Variants in CACNA2D3 observed in about 807,000 individuals in gnomAD.
CACNA2D3 encodes the protein calcium voltage-gated channel auxiliary subunit alpha2delta 3, also known as voltage-dependent calcium channel subunit alpha-2/delta-3.
Under a neutral mutation model 160.6 loss-of-function variants are expected in CACNA2D3, and 60 were observed. That is an observed-to-expected ratio of 0.37 (90% CI 0.30 to 0.46). The LOEUF is 0.46. CACNA2D3 is among the 20% of genes least tolerant of loss of function. The pLI is 1.00. For missense variants in CACNA2D3, 1,205 were observed against 1,365.0 expected (o/e 0.88, Z 1.85); for synonymous variants, 558 against 492.9 (o/e 1.13, Z -1.75).
intron 17 of CACNA2D3, among the ~76,000 whole-genome samples, chr3:54,853,264 C>T (rs12152349): frequency 0.19 from 28,556 of 152,020 alleles, 3,584 homozygotes; most frequent in Non-Finnish European, 0.29. Flanking sequence ...TTAACTTCTC[C>T]CCTGTGGTCC....
At chr3:54,948,292 A>G (rs191743679) in intron 27 of CACNA2D3, among the ~76,000 whole-genome samples, 5 of 152,354 alleles carry the variant, frequency 3.3e-5, no homozygotes, top group Admixed American at 6.5e-5. Context: ...CCAGATGAGT[A>G]ATTCTCTCAC....
At chr3:54,487,084 C>T (rs895552263) in intron 4 of CACNA2D3, among the ~76,000 whole-genome samples, 1 of 152,120 alleles carries the variant, frequency 6.6e-6, no homozygotes, top group Admixed American at 6.5e-5. Flanking sequence ...ATTCACATAA[C>T]CTTATACCCA....
intron 2 of CACNA2D3, among the ~76,000 whole-genome samples, chr3:54,254,453 G>A (rs1249203827): frequency 6.6e-6 from 1 of 152,156 alleles, no homozygotes; most frequent in Non-Finnish European, 1.5e-5. Flanking sequence ...GTGCAGTGAG[G>A]TATCCACCAA....
chr3:54,285,199 A>G (rs1462263293), intron 2 of CACNA2D3, among the ~76,000 whole-genome samples: 3 of 152,200 alleles, frequency 2.0e-5, no homozygotes, highest in Non-Finnish European at 4.4e-5. Flanking sequence ...GGGGTGACAG[A>G]CGGCACCTGG....
At chr3:54,304,473 G>A (rs1215529106) in intron 2 of CACNA2D3, among the ~76,000 whole-genome samples, 2 of 152,052 alleles carry the variant, frequency 1.3e-5, no homozygotes, top group Non-Finnish European at 2.9e-5. Context: ...ACCTCACTTT[G>A]ATTGTAAAAA....
At chr3:54,693,030 AACCACC>A (rs797003162) in intron 11 of CACNA2D3, among the ~76,000 whole-genome samples, 1 of 151,598 alleles carries the variant, frequency 6.6e-6, no homozygotes, top group East Asian at 1.9e-4. Flanking sequence ...GTAAAAAAAA[AACCACC>A]ACCACCACCA....
chr3:54,187,091 C>T (rs1479171516), intron 2 of CACNA2D3, among the ~76,000 whole-genome samples: 1 of 152,182 alleles, frequency 6.6e-6, no homozygotes, highest in Non-Finnish European at 1.5e-5. Context: ...CCTGGGAGTG[C>T]TGTAGGACGC....
chr3:54,973,662 G>T (rs1208346625), intron 29 of CACNA2D3, among the ~76,000 whole-genome samples: 2 of 152,150 alleles, frequency 1.3e-5, no homozygotes, highest in East Asian at 1.9e-4. Flanking sequence ...GCCCACCTCA[G>T]CCAGAGGGTA....
chr3:54,716,816 C>T (rs555354359), intron 11 of CACNA2D3, among the ~76,000 whole-genome samples: 34 of 152,116 alleles, frequency 2.2e-4, no homozygotes, highest in Non-Finnish European at 4.0e-4. Flanking sequence ...GTTTATTTGC[C>T]TTTCACATAG....
intron 3 of CACNA2D3, among the ~76,000 whole-genome samples, chr3:54,340,272 C>A (rs1704485852): frequency 6.6e-6 from 1 of 152,126 alleles, no homozygotes; most frequent in Non-Finnish European, 1.5e-5. Flanking sequence ...CACCCATACA[C>A]CCCCCATTCA....
At chr3:54,614,015 G>C (rs188141902) in intron 9 of CACNA2D3, among the ~76,000 whole-genome samples, 7 of 152,230 alleles carry the variant, frequency 4.6e-5, no homozygotes, top group Admixed American at 2.6e-4. Flanking sequence ...CTCTCCACTG[G>C]CCTGTGAACT....
intron 13 of CACNA2D3, among the ~76,000 whole-genome samples, chr3:54,772,575 T>C (rs1336738815): frequency 2.0e-5 from 3 of 152,142 alleles, no homozygotes; most frequent in Non-Finnish European, 4.4e-5. Flanking sequence ...TTCTGTTTCC[T>C]GCTTGGCTGT....
At chr3:54,435,298 G>A (rs1700044026) in intron 4 of CACNA2D3, among the ~76,000 whole-genome samples, 2 of 152,178 alleles carry the variant, frequency 1.3e-5, no homozygotes. Flanking sequence ...AACAAAGATT[G>A]TGTCATCTCT....
At position 54,157,788 on chromosome 3, in the gene CACNA2D3, G is replaced by A. The variant is rs139923472; in HGVS notation, c.204+34194G>A. On this transcript the variant is annotated intron_variant, in intron 2 of 37. Transcript: ENST00000474759. ...CCTGGGCAACAAGAGTGAAAACTCC[G>A]TCTAAAAAAAACAAAAAAGCAAAAA... Among the ~76,000 whole-genome samples, 949 of 142,972 alleles carry A rather than the reference G, an allele frequency of 6.6e-3. 9 individuals carry two copies. The highest frequency in any genetic ancestry group is 0.022 in the African/African-American group (864 of 38,418). The allele number at this position is 142,972 out of a possible 152,430, so 93.8% of individuals were successfully genotyped here.
intron 31 of CACNA2D3, among the ~76,000 whole-genome samples, chr3:55,000,945 T>G (rs947203543): frequency 2.6e-5 from 4 of 152,202 alleles, no homozygotes; most frequent in Admixed American, 6.5e-5. Context: ...GGATTCAGCT[T>G]GGCCCCCTAC....
chr3:55,001,858 C>G (rs1575430117), intron 31 of CACNA2D3, among the ~76,000 whole-genome samples: 1 of 152,266 alleles, frequency 6.6e-6, no homozygotes, highest in East Asian at 1.9e-4. Flanking sequence ...CAGCAAGCTG[C>G]TCAAGAATGC....
At chr3:54,949,480 G>A (rs193118217) in intron 27 of CACNA2D3, among the ~76,000 whole-genome samples, 7 of 152,224 alleles carry the variant, frequency 4.6e-5, no homozygotes, top group African/African-American at 7.2e-5. Flanking sequence ...TCTTTGGATC[G>A]TTCATTATTG....
chr3:54,532,813 A>C (rs543570373), intron 5 of CACNA2D3, among the ~76,000 whole-genome samples: 14 of 152,212 alleles, frequency 9.2e-5, no homozygotes, highest in Admixed American at 8.5e-4. Context: ...TTGGGTGTGT[A>C]CCCAGCAGTG....
At chr3:54,188,044 A>G (rs1053068421) in intron 2 of CACNA2D3, among the ~76,000 whole-genome samples, 3 of 152,202 alleles carry the variant, frequency 2.0e-5, no homozygotes, top group Admixed American at 1.3e-4. Context: ...GTCCACAGAC[A>G]GAGCATCAGG....
Sources: allele counts gnomAD v4.1 joint callset (sites outside exome capture counted in the v4.1 genomes callset), GRCh38; gene constraint gnomAD v4.1.1; transcripts MANE v1.5; gene names NCBI Gene and HGNC (gene_info 2026-07-23, HGNC 2026-07-21).